The following CPXM2 variants were observed in gnomAD, a reference collection of about 807,000 sequenced individuals.
The protein encoded by CPXM2 is carboxypeptidase X, M14 family member 2.
CPXM2 carries 66 observed loss-of-function variants against 86.1 expected under a neutral mutation model. That is an observed-to-expected ratio of 0.77 (90% CI 0.63 to 0.94). The LOEUF (loss-of-function observed/expected upper bound fraction) is 0.94, where lower values mean the gene tolerates loss of function less well. Ranked by LOEUF, CPXM2 falls within the 40% of genes least tolerant of loss-of-function variation. CPXM2 has a pLI of 0.00. For synonymous variants in CPXM2, 388 were observed against 400.2 expected, an observed-to-expected ratio of 0.97 and a Z score of 0.36; for missense variants, 948 against 1,026.3, an observed-to-expected ratio of 0.92 and a Z score of 1.04.
chr10:123,785,896 G>A (rs1847043404), intron 6 of CPXM2, among the ~76,000 whole-genome samples: 1 of 152,148 alleles, frequency 6.6e-6, no homozygotes, highest in South Asian at 2.1e-4. Context: ...GCCTCCCAAA[G>A]TGCTGGGATT....
At chr10:123,861,348 G>A (rs1302122056) in intron 3 of CPXM2, among the ~76,000 whole-genome samples, 1 of 152,206 alleles carries the variant, frequency 6.6e-6, no homozygotes, top group African/African-American at 2.4e-5. Flanking sequence ...AGCCACACAG[G>A]ACGGTAGAGA....
intron 13 of CPXM2, chr10:123,750,222 T>C (rs1846045115): frequency 5.1e-6 from 5 of 985,274 alleles, no homozygotes; most frequent in South Asian, 4.7e-5. Context: ...TGAGGAGAAA[T>C]AGACAAGCAG....
chr10:123,836,989 T>TA (rs1487211903), intron 4 of CPXM2, among the ~76,000 whole-genome samples: 1 of 151,512 alleles, frequency 6.6e-6, no homozygotes, highest in Non-Finnish European at 1.5e-5. Flanking sequence ...CACCCCCCAC[T>TA]AACTTTCCCT....
At chr10:123,912,769 GTTAAT>G (rs1945501683) in intron 2 of CPXM2, among the ~76,000 whole-genome samples, 1 of 152,196 alleles carries the variant, frequency 6.6e-6, no homozygotes, top group South Asian at 2.1e-4. Flanking sequence ...CTCACAACCT[GTTAAT>G]TTATTTTATC....
intron 2 of CPXM2, among the ~76,000 whole-genome samples, chr10:123,868,645 G>C (rs945968190): frequency 6.6e-6 from 1 of 152,100 alleles, no homozygotes; most frequent in Non-Finnish European, 1.5e-5. Flanking sequence ...CACGGTAATT[G>C]TCACGGTAAC....
At chr10:123,900,485 C>T (rs1945373056) in intron 2 of CPXM2, among the ~76,000 whole-genome samples, 1 of 152,158 alleles carries the variant, frequency 6.6e-6, no homozygotes. Flanking sequence ...CCATTAGTAA[C>T]CAGAGAAATG....
chr10:123,941,224 C>G (rs954453401), upstream of CPXM2, among the ~76,000 whole-genome samples: 1 of 152,162 alleles, frequency 6.6e-6, no homozygotes, highest in African/African-American at 2.4e-5. Context: ...TGTATTGTCT[C>G]ATAGTTCTGG....
Position 123,779,337 on chromosome 10 carries a change from G to A in CPXM2, c.978+830C>T, listed in dbSNP as rs538281095. On this transcript the variant is annotated intron_variant, in intron 7 of 13. Coordinates refer to ENST00000241305, the MANE Select transcript of CPXM2 (RefSeq NM_198148.3). Reference sequence around the variant, plus strand: ...TTTAGCTTGTCCTAATAAACACACCGTCCCTTCCCCCTTCTGCACTCGGTA... The same window carrying A: ...TTTAGCTTGTCCTAATAAACACACCATCCCTTCCCCCTTCTGCACTCGGTA... Among the ~76,000 whole-genome samples the A allele has an allele frequency of 4.6e-5, 7 of 152,248 alleles. No homozygotes were observed. In the East Asian group the frequency reaches 5.8e-4, roughly 13 times the overall value.
intron 13 of CPXM2, 79 bp from the exon 14 acceptor site, chr10:123,747,096 T>C: frequency 6.6e-7 from 1 of 1,518,006 alleles, no homozygotes; most frequent in Admixed American, 2.0e-5. Context: ...CAAGACCAGC[T>C]CCCTGGGCCA....
At chr10:123,931,172 G>A (rs1052890434) in intron 2 of CPXM2, among the ~76,000 whole-genome samples, 4 of 152,164 alleles carry the variant, frequency 2.6e-5, no homozygotes, top group African/African-American at 9.7e-5. Context: ...GGGACCAAGT[G>A]AGCCTCAGCT....
At chr10:123,820,295 T>C (rs1044655021) in intron 4 of CPXM2, among the ~76,000 whole-genome samples, 3 of 152,142 alleles carry the variant, frequency 2.0e-5, no homozygotes, top group Non-Finnish European at 4.4e-5. Flanking sequence ...GAGGCCACTC[T>C]ACAGAGACAG....
At chr10:123,772,055 A>C (rs1003831153) in intron 7 of CPXM2, among the ~76,000 whole-genome samples, 1 of 152,148 alleles carries the variant, frequency 6.6e-6, no homozygotes, top group African/African-American at 2.4e-5. Context: ...GGTTGTGGCT[A>C]TCACATACTT....
intron 3 of CPXM2, among the ~76,000 whole-genome samples, chr10:123,846,662 G>C (rs541577089): frequency 6.6e-6 from 1 of 152,228 alleles, no homozygotes; most frequent in South Asian, 2.1e-4. Flanking sequence ...AGAAATCAAG[G>C]GTTCCAACAT....
chr10:123,897,610 T>C (rs1421154331), intron 2 of CPXM2, among the ~76,000 whole-genome samples: 1 of 152,152 alleles, frequency 6.6e-6, no homozygotes, highest in Non-Finnish European at 1.5e-5. Flanking sequence ...GGGGTGGCTT[T>C]AGCTTCCAGT....
chr10:123,760,792 C>T (rs1846314579), intron 11 of CPXM2, among the ~76,000 whole-genome samples: 1 of 152,212 alleles, frequency 6.6e-6, no homozygotes. Context: ...CACCATCCTC[C>T]TCCTCCTCTT....
intron 6 of CPXM2, among the ~76,000 whole-genome samples, chr10:123,781,167 T>C (rs1222551136): frequency 6.6e-6 from 1 of 152,226 alleles, no homozygotes. Flanking sequence ...GGGTTTCTGC[T>C]GTGGGAGCTG....
Position 123,891,018 on chromosome 10 carries a change from G to A in CPXM2, c.304+338C>T, listed in dbSNP as rs78244770. Among the ~76,000 whole-genome samples, 1,047 of 152,352 alleles carry A rather than the reference G, an allele frequency of 6.9e-3. 4 individuals are homozygous for A. Among genetic ancestry groups the A allele is most frequent in the Non-Finnish European group, 0.011 (754 of 68,036 alleles). ...GAGGATTGAAGAAGTAGGCAGAGAA[G>A]TAAGAGGCATCCAGCAGAAAGACCC... On this transcript the variant is annotated intron_variant, in intron 1 of 13. Transcript: ENST00000241305. The surrounding 1 kb of genome is among the most constrained non-coding windows in gnomAD (Gnocchi z 5.6).
intron 2 of CPXM2, among the ~76,000 whole-genome samples, chr10:123,927,145 T>G (rs1945629539): frequency 6.6e-6 from 1 of 152,148 alleles, no homozygotes; most frequent in African/African-American, 2.4e-5. Context: ...GGTCCCCTCA[T>G]GCATGCCAAG....
At chr10:123,768,776 A>T in intron 8 of CPXM2, 54 bp from the exon 9 acceptor site, 1 of 1,500,348 alleles carries the variant, frequency 6.7e-7, no homozygotes, top group Non-Finnish European at 9.2e-7. Context: ...CTTAGGGCCA[A>T]ACGGTGCTTG....
Sources: gnomAD v4.1 joint callset for allele counts (sites outside exome capture counted in the v4.1 genomes callset) on GRCh38, gnomAD v4.1.1 for gene constraint, Gnocchi (gnomAD v3.1) non-coding constraint, MANE v1.5 for transcripts, NCBI Gene and HGNC (gene_info 2026-07-23, HGNC 2026-07-21) for gene names.